Variants in PCDHGA9 observed in about 807,000 individuals in gnomAD.
PCDHGA9 encodes protocadherin gamma-A9.
Under a neutral mutation model 62.5 loss-of-function variants are expected in PCDHGA9, and 37 were observed. The ratio of observed to expected loss-of-function variants is 0.59; its 90% confidence interval spans 0.46 to 0.78. The LOEUF (loss-of-function observed/expected upper bound fraction) is 0.78, where lower values mean the gene tolerates loss of function less well. PCDHGA9 is among the 30% of genes least tolerant of loss of function. The pLI, the probability that PCDHGA9 is intolerant of heterozygous loss-of-function variation, is 0.00. For synonymous variants in PCDHGA9, 459 were observed against 484.6 expected (o/e 0.95, Z 0.69); for missense variants, 1,138 against 1,166.2 (o/e 0.98, Z 0.35).
rs759756007 is a variant in PCDHGA9 at position 141,476,248 on chromosome 5, T to C, written c.2425-18559T>C. 2 of 1,613,856 alleles carry C rather than the reference T, an allele frequency of 1.2e-6. No individual in the cohort carries two copies. Among genetic ancestry groups the C allele is most frequent in the South Asian group, 2.2e-5 (2 of 91,050 alleles). On this transcript the variant is annotated intron_variant, in intron 1 of 3. Transcript: ENST00000573521. The surrounding 1 kb of genome is among the most constrained non-coding windows in gnomAD (Gnocchi z 7.6). The stretch of plus-strand genomic sequence containing the variant: ...AGATCCCGGAGGAAAGAGAGAAGGG[T>C]TTCGCTGTGGGCAACGTGGTCGCGA...
At chr5:141,497,677 C>T in intron 2 of PCDHGA9, among the ~76,000 whole-genome samples, 1 of 151,836 alleles carries the variant, frequency 6.6e-6, no homozygotes, top group East Asian at 1.9e-4. Context: ...GTAGCTGGGA[C>T]AGCAGGTGTG....
intron 1 of PCDHGA9, among the ~76,000 whole-genome samples, chr5:141,448,751 T>C (rs888567097): frequency 1.3e-5 from 2 of 151,804 alleles, no homozygotes; most frequent in South Asian, 4.2e-4. Context: ...CCATCCTGGC[T>C]AACACGGTGA....
chr5:141,512,555 A>C lies in PCDHGA9; in HGVS notation c.*1382A>C, dbSNP rs1294402882. 2.6e-5 allele frequency: 4 copies of C among 152,986 alleles called. No individual in the cohort carries two copies. The highest frequency in any genetic ancestry group is 9.6e-5 in the African/African-American group (4 of 41,472). 9.5% of individuals were successfully genotyped at this position (152,986 alleles called of 1,614,324 possible). A position where few individuals can be genotyped will look rare whatever the true frequency, so the allele number is the denominator to read the frequency against. ...AGTTCCCCAGTGCCTCCTTGTGCAT[A>C]GACCTTCTTCTCCCACCCCCTTCTG... On this transcript the variant is annotated 3_prime_UTR_variant, in exon 4 of 4. Transcript: ENST00000573521.
chr5:141,441,867 G>T, intron 1 of PCDHGA9: 1 of 345,800 alleles, frequency 2.9e-6, no homozygotes, highest in Non-Finnish European at 5.6e-6. Flanking sequence ...ACGCCGCGGA[G>T]CCTGGCTACC....
At chr5:141,430,910 G>T in intron 1 of PCDHGA9, 2 of 1,608,040 alleles carry the variant, frequency 1.2e-6, no homozygotes, top group Middle Eastern at 1.7e-4. Context: ...CATCTCCAGG[G>T]ACCTGGGGCT....
intron 1 of PCDHGA9, among the ~76,000 whole-genome samples, chr5:141,455,808 A>G (rs2098832210): frequency 6.6e-6 from 1 of 152,050 alleles, no homozygotes; most frequent in Non-Finnish European, 1.5e-5. Flanking sequence ...TAAAAAATGA[A>G]AACTTCCCAA....
intron 1 of PCDHGA9, among the ~76,000 whole-genome samples, chr5:141,439,371 TA>T (rs1008614540): frequency 7.2e-5 from 11 of 152,034 alleles, no homozygotes; most frequent in Non-Finnish European, 1.0e-4. Flanking sequence ...CAAGAAGAAA[TA>T]AAAATAAGTC....
At chr5:141,462,415 C>G (rs998182982) in intron 1 of PCDHGA9, among the ~76,000 whole-genome samples, 2 of 152,092 alleles carry the variant, frequency 1.3e-5, no homozygotes, top group Non-Finnish European at 2.9e-5. Context: ...AGAATATGGT[C>G]TATCTTGGTG....
At chr5:141,501,319 A>G (rs2099807834) in intron 2 of PCDHGA9, among the ~76,000 whole-genome samples, 1 of 151,710 alleles carries the variant, frequency 6.6e-6, no homozygotes, top group Non-Finnish European at 1.5e-5. Context: ...ACACACACAC[A>G]CACACACACA....
rs866649962 is a variant in PCDHGA9 at position 141,482,106 on chromosome 5, T to A, written c.2425-12701T>A. Reference sequence around the variant, plus strand: ...CTCCATCTCAAAAAAAAAAAAAAAATATCTAGAGATGGGAGAATCATATGG... The same window carrying A: ...CTCCATCTCAAAAAAAAAAAAAAAAAATCTAGAGATGGGAGAATCATATGG... On this transcript the variant is annotated intron_variant, in intron 1 of 3. Transcript: ENST00000573521. 2.5e-3 allele frequency among the ~76,000 whole-genome samples: 342 copies of A among 138,882 alleles called. 1 individual carries two copies. Among genetic ancestry groups the A allele is most frequent in the Middle Eastern group, 0.011 (3 of 272 alleles). 91.1% of individuals were successfully genotyped at this position (138,882 alleles called of 152,430 possible). A position where few individuals can be genotyped will look rare whatever the true frequency, so the allele number is the denominator to read the frequency against.
chr5:141,455,401 A>G (rs1252870027), intron 1 of PCDHGA9, among the ~76,000 whole-genome samples: 1 of 152,158 alleles, frequency 6.6e-6, no homozygotes, highest in Non-Finnish European at 1.5e-5. Context: ...TCCCCCTTAC[A>G]GAGACAGAGG....
At chr5:141,407,336 G>C (rs1005803062) in intron 1 of PCDHGA9, among the ~76,000 whole-genome samples, 1 of 152,124 alleles carries the variant, frequency 6.6e-6, no homozygotes, top group South Asian at 2.1e-4. Context: ...ATATTGAAAT[G>C]TATGTTAATT....
intron 1 of PCDHGA9, chr5:141,413,602 G>A (rs1561743581): frequency 6.2e-7 from 1 of 1,613,860 alleles, no homozygotes; most frequent in Non-Finnish European, 8.5e-7. Flanking sequence ...AGAAAATCTA[G>A]ACGTAAAAAT....
chr5:141,458,701 C>A (rs1057501287), intron 1 of PCDHGA9, among the ~76,000 whole-genome samples: 3 of 152,088 alleles, frequency 2.0e-5, no homozygotes, highest in Non-Finnish European at 2.9e-5. Context: ...TCCCGAGTAG[C>A]TGGGATTACA....
intron 1 of PCDHGA9, among the ~76,000 whole-genome samples, chr5:141,471,706 A>G (rs2099262749): frequency 6.6e-6 from 1 of 152,212 alleles, no homozygotes; most frequent in African/African-American, 2.4e-5. Context: ...CTGGAATAGA[A>G]GTGCCACTTA....
chr5:141,504,200 G>C (rs1232187138), intron 2 of PCDHGA9, among the ~76,000 whole-genome samples: 1 of 152,154 alleles, frequency 6.6e-6, no homozygotes, highest in Non-Finnish European at 1.5e-5. Context: ...TTGTCACTGT[G>C]GGAAAATTCC....
chr5:141,508,091 GCCC>G (rs2099866180), intron 3 of PCDHGA9: 1 of 152,482 alleles, frequency 6.6e-6, no homozygotes, highest in Non-Finnish European at 1.5e-5. Flanking sequence ...TGCTGCCTTG[GCCC>G]TGGGATGGGG....
chr5:141,465,030 C>T (rs922114985), intron 1 of PCDHGA9, among the ~76,000 whole-genome samples: 2 of 152,086 alleles, frequency 1.3e-5, no homozygotes, highest in Non-Finnish European at 1.5e-5. Context: ...CCATGAACCA[C>T]CACAAATGAC....
rs1001555249 is a variant in PCDHGA9, at chr5:141,486,728, G to A, written c.2425-8079G>A. The A allele has an allele frequency of 1.2e-6, 2 of 1,614,200 alleles. No homozygotes were observed. The highest frequency in any genetic ancestry group is 1.7e-6 in the Non-Finnish European group (2 of 1,180,052). On this transcript the variant is annotated intron_variant, in intron 1 of 3. Transcript: ENST00000573521. This position sits in a 1 kb window ranked among gnomAD's most constrained non-coding sequence, Gnocchi z 5.0. Reference sequence around the variant, plus strand: ...GAACCCCCAGACAGGAGCTGTTCATGCTACTCGATCCTTTGACTATGAGCA... The same window carrying A: ...GAACCCCCAGACAGGAGCTGTTCATACTACTCGATCCTTTGACTATGAGCA...
Sources: allele counts gnomAD v4.1 joint callset (sites outside exome capture counted in the v4.1 genomes callset), GRCh38; gene constraint gnomAD v4.1.1; non-coding constraint Gnocchi (gnomAD v3.1); transcripts MANE v1.5; gene names NCBI Gene and HGNC (gene_info 2026-07-23, HGNC 2026-07-21).